Variants in TRPM4 observed in about 807,000 individuals in gnomAD.
The protein encoded by TRPM4 is calcium-activated non-selective cation channel 1.
A neutral mutation model predicts 135.6 loss-of-function variants in TRPM4; 124 were observed. The observed-to-expected ratio is 0.91, with a 90% confidence interval of 0.79 to 1.06. The LOEUF (loss-of-function observed/expected upper bound fraction) is 1.06. Ranked by LOEUF, TRPM4 falls within the 50% of genes least tolerant of loss-of-function variation. TRPM4 has a pLI of 0.00. For synonymous variants in TRPM4, 745 were observed against 705.6 expected (o/e 1.06, Z -0.88); for missense variants, 1,658 against 1,671.4 (o/e 0.99, Z 0.14).
Position 49,168,239 on chromosome 19 carries a change from TGTTCCTCGGC to T in TRPM4, c.449-18_449-9del, listed in dbSNP as rs1227996872. The stretch of plus-strand genomic sequence containing the variant: ...TTGTTTCTCTCCCCCTGCCTCTGCA[TGTTCCTCGGC>T]GTCTGTGTAGGAGCCTGGATTGTCA... On this transcript the variant is annotated splice_polypyrimidine_tract_variant and intron_variant, in intron 4 of 24. Coordinates refer to ENST00000252826, the MANE Select transcript of TRPM4 (RefSeq NM_017636.4). 1 of 1,613,938 alleles carries T rather than the reference TGTTCCTCGGC, an allele frequency of 6.2e-7. No individual in the cohort carries two copies. Among genetic ancestry groups the T allele is most frequent in the African/African-American group, 1.3e-5 (1 of 74,926 alleles).
rs747867780 is a variant in TRPM4, at chr19:49,210,451, G to A, written c.3328+46G>A. 6.3e-7 allele frequency: 1 copy of A among 1,598,644 alleles called. No individual in the cohort carries two copies. The highest frequency in any genetic ancestry group is 8.5e-7 in the Non-Finnish European group (1 of 1,173,438). ...AAAAAGGAGAAATATAGGGGACCGG[G>A]AGCCTGGAAGGCGAGGGGAAGGGGG... On this transcript the variant is annotated intron_variant, in intron 21 of 24. Transcript: ENST00000252826. This position sits in a 1 kb window ranked among gnomAD's most constrained non-coding sequence, Gnocchi z 4.1.
At chr19:49,200,007 C>T (rs1341648980) in intron 17 of TRPM4, among the ~76,000 whole-genome samples, 1 of 152,178 alleles carries the variant, frequency 6.6e-6, no homozygotes, top group African/African-American at 2.4e-5. Context: ...ATAGGTTGGA[C>T]AGATATTCCG....
chr19:49,204,707 T>G (rs1158917065), intron 20 of TRPM4, among the ~76,000 whole-genome samples: 1 of 151,144 alleles, frequency 6.6e-6, no homozygotes, highest in Non-Finnish European at 1.5e-5. Context: ...TTTTTTTAAT[T>G]TTTTTTTTAC....
intron 14 of TRPM4, 48 bp from the exon 15 acceptor site, chr19:49,190,160 C>A (rs149846926): frequency 6.5e-7 from 1 of 1,527,524 alleles, no homozygotes; most frequent in Non-Finnish European, 9.1e-7. Flanking sequence ...GTCTTAGGGA[C>A]GGGGCTGTGG....
Position 49,166,142 on chromosome 19 carries a change from C to T in TRPM4, c.194C>T (p.Ala65Val), listed in dbSNP as rs1317191952. Residue 65 changes from alanine (A) to valine (V), a missense_variant, in exon 3 of 25, where the codon GCA (alanine) becomes GTA (valine). By Grantham distance (64) the Ala-to-Val change is moderately conservative. Transcript: ENST00000252826. ...GTGGTGACCGTGTGGGACAGCGATG[C>T]ACACACCACGGAGAAGCCCACCGAT... The part of the protein sequence containing the change: ...AAVVTVWDSD[A>V]HTTEKPTDAY... 1 of 1,608,126 alleles carries T rather than the reference C, an allele frequency of 6.2e-7. No individual in the cohort carries two copies. The highest frequency in any genetic ancestry group is 8.5e-7 in the Non-Finnish European group (1 of 1,178,160).
intron 12 of TRPM4, among the ~76,000 whole-genome samples, chr19:49,185,243 T>C (rs1272334588): frequency 6.6e-6 from 1 of 152,084 alleles, no homozygotes; most frequent in Non-Finnish European, 1.5e-5. Flanking sequence ...TATTTATTTA[T>C]TTGTTGTTCT....
At position 49,166,188 on chromosome 19, in the gene TRPM4, C is replaced by T. The variant is rs563344549; in HGVS notation, c.240C>T (p.Phe80=). 6.8e-6 allele frequency: 11 copies of T among 1,608,146 alleles called. No individual in the cohort carries two copies. In the African/African-American group the frequency reaches 1.2e-4, roughly 18 times the overall value. The part of the protein sequence containing the change: ...KPTDAYGELD[F]TGAGRKHSNF... ...CCGATGCCTACGGAGAGCTGGACTT[C>T]ACGGGGGCCGGCCGCAAGCACAGCA... The change falls in exon 3 of 25, where the codon TTC becomes TTT. Residue 80 remains phenylalanine, a synonymous_variant. Transcript: ENST00000252826.
Position 49,196,848 on chromosome 19 carries a change from C to T in TRPM4, c.2619C>T (p.Thr873=), listed in dbSNP as rs144544237. The T allele has an allele frequency of 1.4e-3, 2,232 of 1,587,464 alleles. 30 individuals carry two copies. The African/African-American group carries it at 0.026, about 19-fold the overall frequency. ...SWNQCDLVAL[T]CFLLGVGCRL... is the part of the protein sequence containing the mutation. Reference sequence around the variant, plus strand: ...ACCAGTGCGACCTAGTGGCTCTCACCTGCTTCCTCCTGGGCGTGGGCTGCC... The same window carrying T: ...ACCAGTGCGACCTAGTGGCTCTCACTTGCTTCCTCCTGGGCGTGGGCTGCC... Residue 873 remains threonine, a synonymous_variant, in exon 17 of 25, where the codon ACC becomes ACT. Coordinates refer to ENST00000252826, the MANE Select transcript of TRPM4 (RefSeq NM_017636.4).
intron 12 of TRPM4, among the ~76,000 whole-genome samples, chr19:49,185,099 A>G (rs1968150884): frequency 1.3e-5 from 2 of 151,902 alleles, no homozygotes; most frequent in Non-Finnish European, 2.9e-5. Context: ...GATTTCCTTT[A>G]GCTCTTCGAG....
At chr19:49,165,038 C>T (rs547567002) in intron 2 of TRPM4, among the ~76,000 whole-genome samples, 3 of 152,218 alleles carry the variant, frequency 2.0e-5, no homozygotes, top group East Asian at 3.9e-4. Flanking sequence ...CCATCATACC[C>T]GACCCTACAT....
chr19:49,164,411 C>T (rs1238058423), intron 2 of TRPM4, among the ~76,000 whole-genome samples: 10 of 78,406 alleles, frequency 1.3e-4, no homozygotes, highest in African/African-American at 3.9e-4. Context: ...GATGGAGTTT[C>T]GCTCTTGTCT....
intron 2 of TRPM4, among the ~76,000 whole-genome samples, chr19:49,163,458 T>C (rs1967048278): frequency 6.6e-6 from 1 of 151,806 alleles, no homozygotes; most frequent in African/African-American, 2.4e-5. Context: ...CCTCCCAAAG[T>C]GCTGGGATTA....
At chr19:49,199,574 T>A (rs1001685646) in intron 17 of TRPM4, among the ~76,000 whole-genome samples, 2 of 150,750 alleles carry the variant, frequency 1.3e-5, no homozygotes, top group African/African-American at 2.4e-5. Context: ...CCCGTTTTTT[T>A]AATTGGGGTT....
rs1374008451 is a variant in TRPM4, at chr19:49,196,561, G to T, written c.2332G>T (p.Ala778Ser). The change falls in exon 17 of 25, where the codon GCG becomes TCG. Residue 778 changes from alanine to serine, a missense_variant. Ala to Ser is a moderately conservative substitution (Grantham distance 99). Around this residue, in one of 3 missense-constraint regions of TRPM4, gnomAD observed 1,412 missense variants for 1,408.7 expected, o/e 1.00. Coordinates refer to ENST00000252826, the MANE Select transcript of TRPM4 (RefSeq NM_017636.4). The stretch of plus-strand genomic sequence containing the variant: ...ACGCCGCTGGTTCCACTTCTGGGGC[G>T]CGCCGGTGACCATCTTCATGGGCAA... ...CLRRWFHFWG[A>S]PVTIFMGNVV... The T allele has an allele frequency of 1.9e-6, 3 of 1,554,752 alleles. No homozygotes were observed. The highest frequency in any genetic ancestry group is 2.6e-6 in the Non-Finnish European group (3 of 1,152,802).
At chr19:49,197,337 TTTCTTTCTTTC>T (rs1264339853) in intron 17 of TRPM4, among the ~76,000 whole-genome samples, 1 of 130,680 alleles carries the variant, frequency 7.7e-6, no homozygotes, top group Admixed American at 7.3e-5. Context: ...TCTTTCTTTC[TTTCTTTCTTTC>T]TTTCTTTCTT....
rs765743873 is a variant in TRPM4 at position 49,182,686 on chromosome 19, A to C, written c.1372A>C (p.Met458Leu). The change falls in exon 11 of 25, where the codon ATG becomes CTG. Residue 458 changes from methionine (M) to leucine (L), a missense_variant. Met to Leu is a conservative substitution (Grantham distance 15). This residue lies in a region of TRPM4 where 1,412 missense variants were observed against 1,408.7 expected (regional missense o/e 1.00). Transcript: ENST00000252826. ...GLSLGHFLTPMRLAQLYSAAP... is the reference protein window; with the variant it reads ...GLSLGHFLTPLRLAQLYSAAP... ...CAGCCTGGGCCACTTCCTGACCCCGATGCGCCTGGCCCAACTCTACAGCGC... is the reference window on the plus strand; with the variant it reads ...CAGCCTGGGCCACTTCCTGACCCCGCTGCGCCTGGCCCAACTCTACAGCGC... 6.2e-7 allele frequency: 1 copy of C among 1,614,044 alleles called. No homozygotes were observed. The highest frequency in any genetic ancestry group is 1.7e-5 in the Admixed American group (1 of 60,002).
In TRPM4 at chr19:49,182,704, T is replaced by C. The variant is rs1372517194; in HGVS notation, c.1390T>C (p.Tyr464His). 1 of 1,614,054 alleles carries C rather than the reference T, an allele frequency of 6.2e-7. No individual in the cohort carries two copies. Among genetic ancestry groups the C allele is most frequent in the East Asian group, 2.2e-5 (1 of 44,864 alleles). Residue 464 changes from tyrosine to histidine, a missense_variant, in exon 11 of 25, where the codon TAC becomes CAC. By Grantham distance (83) the Tyr-to-His change is moderately conservative. Around this residue, in one of 3 missense-constraint regions of TRPM4, gnomAD observed 1,412 missense variants for 1,408.7 expected, o/e 1.00. Transcript: ENST00000252826. ...FLTPMRLAQL[Y>H]SAAPSNSLIR... ...GACCCCGATGCGCCTGGCCCAACTC[T>C]ACAGCGCGGCGCCCTCCAACTCGCT...
chr19:49,200,352 A>G lies in TRPM4; in HGVS notation c.2698A>G (p.Met900Val). 1 of 1,613,600 alleles carries G rather than the reference A, an allele frequency of 6.2e-7. No homozygotes were observed. The highest frequency in any genetic ancestry group is 8.5e-7 in the Non-Finnish European group (1 of 1,179,860). ...LGRTVLCIDF[M>V]VFTVRLLHIF... ...CCGCACTGTCCTCTGCATCGACTTC[A>G]TGGTTTTCACGGTGCGGCTGCTTCA... The change falls in exon 18 of 25, where the codon ATG (methionine) becomes GTG (valine). Residue 900 changes from methionine (M) to valine (V), a missense_variant. Physicochemically the swap from Met to Val is conservative, Grantham distance 21. Coordinates refer to ENST00000252826, the MANE Select transcript of TRPM4 (RefSeq NM_017636.4).
At chr19:49,165,237 T>G (rs1264633791) in intron 2 of TRPM4, among the ~76,000 whole-genome samples, 1 of 152,112 alleles carries the variant, frequency 6.6e-6, no homozygotes, top group South Asian at 2.1e-4. Flanking sequence ...CCAAAGACAA[T>G]GAAAAGCAAA....
Sources: gnomAD v4.1 joint callset for allele counts (sites outside exome capture counted in the v4.1 genomes callset) on GRCh38, gnomAD v4.1.1 for gene constraint, gnomAD v4.1.1 regional missense constraint, Gnocchi (gnomAD v3.1) non-coding constraint, MANE v1.5 for transcripts, NCBI Gene and HGNC (gene_info 2026-07-23, HGNC 2026-07-21) for gene names.